CCNY: variants seen among roughly 807,000 people sequenced by gnomAD.
CCNY encodes cyclin Y, also known as cyclin-Y.
Under a neutral mutation model 42.8 loss-of-function variants are expected in CCNY, and 19 were observed. That is an observed-to-expected ratio of 0.44 (90% confidence interval 0.31 to 0.65). CCNY has a LOEUF of 0.65. Ranked by LOEUF, CCNY falls within the 30% of genes least tolerant of loss-of-function variation. The pLI, the probability that CCNY is intolerant of heterozygous loss-of-function variation, is 0.07. For missense variants in CCNY, 370 were observed against 437.3 expected, an observed-to-expected ratio of 0.85 and a Z score of 1.37; for synonymous variants, 165 against 162.7, an observed-to-expected ratio of 1.01 and a Z score of -0.11.
chr10:35,260,867 T>A (rs572897361), intron 3 of CCNY, among the ~76,000 whole-genome samples: 62 of 152,098 alleles, frequency 4.1e-4, no homozygotes, highest in Non-Finnish European at 7.2e-4. Flanking sequence ...AAATCTATAA[T>A]CCCAAAACTT....
At chr10:35,394,851 C>G in intron 1 of CCNY, 1 of 985,236 alleles carries the variant, frequency 1.0e-6, no homozygotes, top group South Asian at 4.7e-5. Flanking sequence ...GAAAGTGTTT[C>G]ATCACGGGCC....
At chr10:35,459,702 C>T (rs1319151590) in intron 1 of CCNY, among the ~76,000 whole-genome samples, 2 of 152,184 alleles carry the variant, frequency 1.3e-5, no homozygotes, top group Non-Finnish European at 2.9e-5. Flanking sequence ...ACCTCCTCCA[C>T]CAGCTCAGCC....
At chr10:35,568,784 C>G (rs1178849776) in intron 9 of CCNY, among the ~76,000 whole-genome samples, 1 of 152,250 alleles carries the variant, frequency 6.6e-6, no homozygotes, top group East Asian at 1.9e-4. Context: ...CAGCGTTGAC[C>G]CTGGTCGGGC....
At chr10:35,492,293 C>T (rs2135379751) in intron 2 of CCNY, among the ~76,000 whole-genome samples, 1 of 152,368 alleles carries the variant, frequency 6.6e-6, no homozygotes, top group Admixed American at 6.5e-5. Flanking sequence ...CTGTGGCATG[C>T]TCTGCCCGCA....
At chr10:35,274,244 C>T (rs1228969735) in intron 3 of CCNY, among the ~76,000 whole-genome samples, 2 of 152,110 alleles carry the variant, frequency 1.3e-5, no homozygotes, top group African/African-American at 2.4e-5. Flanking sequence ...ACCATCAGAC[C>T]TTGTGAGACT....
At chr10:35,455,655 C>T (rs17601985) in intron 1 of CCNY, among the ~76,000 whole-genome samples, 14 of 152,058 alleles carry the variant, frequency 9.2e-5, no homozygotes, top group African/African-American at 3.1e-4. Context: ...TTCCCTTCCT[C>T]TCCCCTTTTC....
intron 1 of CCNY, among the ~76,000 whole-genome samples, chr10:35,398,250 A>G (rs1360348313): frequency 6.6e-6 from 1 of 152,172 alleles, no homozygotes; most frequent in Non-Finnish European, 1.5e-5. Flanking sequence ...GAGTATGGGG[A>G]CAGATGTGAT....
In CCNY at chr10:35,348,847, T is replaced by C. The variant is rs564138203; in HGVS notation, c.154+11640T>C. Among the ~76,000 whole-genome samples, 23 of 152,240 alleles carry C rather than the reference T, an allele frequency of 1.5e-4. No individual in the cohort carries two copies. In the South Asian group the frequency reaches 4.8e-3, roughly 32 times the overall value. On this transcript the variant is annotated intron_variant, in intron 1 of 9. Transcript: ENST00000374704. ...ACACAATTTCCTTCTTTCATGGAACTAATATTCTGAGAGAAACAGTTGTTG... is the reference window on the plus strand; with the variant it reads ...ACACAATTTCCTTCTTTCATGGAACCAATATTCTGAGAGAAACAGTTGTTG...
At chr10:35,368,293 C>T (rs1461299766) in intron 1 of CCNY, among the ~76,000 whole-genome samples, 1 of 152,176 alleles carries the variant, frequency 6.6e-6, no homozygotes, top group Non-Finnish European at 1.5e-5. Flanking sequence ...AATTTATGGA[C>T]TGTGTCGCAG....
chr10:35,281,618 C>A (rs1835300025), intron 3 of CCNY, among the ~76,000 whole-genome samples: 1 of 152,048 alleles, frequency 6.6e-6, no homozygotes, highest in Non-Finnish European at 1.5e-5. Flanking sequence ...CAGGAATTTT[C>A]ATAGTAGCAT....
intron 3 of CCNY, among the ~76,000 whole-genome samples, chr10:35,320,281 TG>T (rs1233587004): frequency 2.6e-5 from 4 of 152,186 alleles, no homozygotes; most frequent in African/African-American, 7.2e-5. Context: ...CATGACTAAG[TG>T]GGGTTTATCC....
At chr10:35,338,139 ATAGT>A (rs1220058008) in intron 1 of CCNY, among the ~76,000 whole-genome samples, 2 of 152,198 alleles carry the variant, frequency 1.3e-5, no homozygotes, top group South Asian at 4.1e-4. Flanking sequence ...ACATCTTCTC[ATAGT>A]TAATCTGGTT....
intron 2 of CCNY, among the ~76,000 whole-genome samples, chr10:35,490,722 G>T (rs1839878724): frequency 6.6e-6 from 1 of 152,224 alleles, no homozygotes; most frequent in South Asian, 2.1e-4. Flanking sequence ...AGGCTGGCAG[G>T]AGATGAAAGA....
intron 7 of CCNY, among the ~76,000 whole-genome samples, chr10:35,538,570 G>A (rs564899594): frequency 1.3e-5 from 2 of 152,074 alleles, no homozygotes; most frequent in African/African-American, 2.4e-5. Context: ...GATTAATGAC[G>A]GTTGAACATC....
intron 3 of CCNY, among the ~76,000 whole-genome samples, chr10:35,292,781 G>GTTTTTTT (rs71033391): frequency 4.6e-3 from 502 of 108,610 alleles, no homozygotes; most frequent in Non-Finnish European, 5.7e-3. Flanking sequence ...CTTTGTTTTT[G>GTTTTTTT]TTTTTTTTTT....
At chr10:35,522,868 T>G (rs1840577297) in intron 4 of CCNY, among the ~76,000 whole-genome samples, 1 of 152,200 alleles carries the variant, frequency 6.6e-6, no homozygotes, top group East Asian at 1.9e-4. Flanking sequence ...TCCCAGGACA[T>G]GTTTGCCTTC....
intron 3 of CCNY, among the ~76,000 whole-genome samples, chr10:35,286,656 T>A (rs1250703682): frequency 8.0e-6 from 1 of 124,238 alleles, no homozygotes; most frequent in African/African-American, 3.2e-5. Flanking sequence ...GTGCCCAGCC[T>A]TTTTTTTTTT....
chr10:35,503,995 A>G (rs904199381), intron 3 of CCNY, among the ~76,000 whole-genome samples: 3 of 152,186 alleles, frequency 2.0e-5, no homozygotes, highest in Non-Finnish European at 2.9e-5. Flanking sequence ...TTTATCATTT[A>G]GTTTGTTACT....
At chr10:35,417,191 A>C (rs1422924420) in intron 1 of CCNY, among the ~76,000 whole-genome samples, 4 of 152,076 alleles carry the variant, frequency 2.6e-5, no homozygotes, top group African/African-American at 9.7e-5. Context: ...CTTTGCTTTG[A>C]CCTCTCAGTA....
Sources: gnomAD v4.1 joint callset for allele counts (sites outside exome capture counted in the v4.1 genomes callset) on GRCh38, gnomAD v4.1.1 for gene constraint, MANE v1.5 for transcripts, NCBI Gene and HGNC (gene_info 2026-07-23, HGNC 2026-07-21) for gene names.